CCDC178: variants seen among roughly 807,000 people sequenced by gnomAD.
CCDC178 encodes the protein coiled-coil domain-containing protein 178.
A neutral mutation model predicts 117.4 loss-of-function variants in CCDC178; 126 were observed. The ratio of observed to expected loss-of-function variants is 1.07; its 90% confidence interval spans 0.93 to 1.24. The LOEUF is 1.24. Ranked by LOEUF, CCDC178 falls within the 50% of genes most tolerant of loss-of-function variation. CCDC178 has a pLI of 0.00. For synonymous variants in CCDC178, 283 were observed against 313.4 expected, an observed-to-expected ratio of 0.90 and a Z score of 1.02; for missense variants, 1,030 against 986.9, an observed-to-expected ratio of 1.04 and a Z score of -0.59.
chr18:33,046,971 C>T (rs1056853686), intron 21 of CCDC178, among the ~76,000 whole-genome samples: 1 of 152,112 alleles, frequency 6.6e-6, no homozygotes. Context: ...TTTAACTCAG[C>T]TTTGACATTT....
At chr18:33,060,819 C>A (rs1158381300) in intron 21 of CCDC178, among the ~76,000 whole-genome samples, 1 of 152,032 alleles carries the variant, frequency 6.6e-6, no homozygotes, top group East Asian at 1.9e-4. Context: ...TTTACATGAA[C>A]TTGAACAATG....
At chr18:33,023,008 A>G (rs546991704) in intron 21 of CCDC178, among the ~76,000 whole-genome samples, 45 of 152,272 alleles carry the variant, frequency 3.0e-4, no homozygotes, top group African/African-American at 9.1e-4. Context: ...TATAATAATA[A>G]AAGAATTAAT....
At chr18:33,287,012 G>A (rs1436829110) in intron 12 of CCDC178, among the ~76,000 whole-genome samples, 1 of 152,092 alleles carries the variant, frequency 6.6e-6, no homozygotes, top group Non-Finnish European at 1.5e-5. Context: ...AATGCACTGA[G>A]CCAATTTCAA....
chr18:33,409,606 A>C (rs1241860452), intron 3 of CCDC178, among the ~76,000 whole-genome samples: 2 of 152,212 alleles, frequency 1.3e-5, no homozygotes, highest in Non-Finnish European at 2.9e-5. Flanking sequence ...CATAATTAAA[A>C]TCTTCAAAGA....
chr18:33,033,937 A>G (rs953065283), intron 21 of CCDC178, among the ~76,000 whole-genome samples: 2 of 152,002 alleles, frequency 1.3e-5, no homozygotes, highest in African/African-American at 4.8e-5. Context: ...GTGTGTGTAT[A>G]TATATATATG....
intron 20 of CCDC178, among the ~76,000 whole-genome samples, chr18:33,109,895 T>C (rs1441026496): frequency 1.3e-5 from 2 of 151,516 alleles, no homozygotes; most frequent in Admixed American, 6.6e-5. Flanking sequence ...GGAGCTATTA[T>C]GAATAAAGCT....
At chr18:33,315,412 G>C (rs117094528) in intron 11 of CCDC178, among the ~76,000 whole-genome samples, 4,411 of 152,252 alleles carry the variant, frequency 0.029, 81 homozygotes, top group Middle Eastern at 0.061. Flanking sequence ...CAAGGAATAT[G>C]AAAATGATAA....
At chr18:33,093,326 A>C (rs770205579) in intron 20 of CCDC178, among the ~76,000 whole-genome samples, 1 of 152,018 alleles carries the variant, frequency 6.6e-6, no homozygotes, top group Non-Finnish European at 1.5e-5. Context: ...AGTAGATGGT[A>C]CCTTGTAGCT....
chr18:32,953,818 A>G (rs932349728), intron 22 of CCDC178, among the ~76,000 whole-genome samples: 2 of 152,102 alleles, frequency 1.3e-5, no homozygotes, highest in African/African-American at 2.4e-5. Flanking sequence ...TGGCTTTGTT[A>G]TTATATATTT....
chr18:33,030,686 GAT>G (rs2056323914), intron 21 of CCDC178, among the ~76,000 whole-genome samples: 1 of 151,934 alleles, frequency 6.6e-6, no homozygotes, highest in African/African-American at 2.4e-5. Context: ...GATAGATGTA[GAT>G]ATAGATATGA....
chr18:33,425,795 G>A (rs1001181465), intron 2 of CCDC178, among the ~76,000 whole-genome samples: 22 of 152,116 alleles, frequency 1.4e-4, no homozygotes, highest in Non-Finnish European at 2.6e-4. Context: ...GAGAAGAGAG[G>A]AGCAAGTCTA....
chr18:33,116,912 A>T (rs2057864607), intron 20 of CCDC178, among the ~76,000 whole-genome samples: 1 of 149,430 alleles, frequency 6.7e-6, no homozygotes, highest in Non-Finnish European at 1.5e-5. Context: ...TGGGACAGCC[A>T]TGAAGAACAA....
intron 21 of CCDC178, among the ~76,000 whole-genome samples, chr18:33,030,959 G>T (rs1462212197): frequency 1.3e-5 from 2 of 152,090 alleles, no homozygotes; most frequent in Admixed American, 1.3e-4. Flanking sequence ...GGTCAATGGT[G>T]TAACTCTCAG....
chr18:33,153,152 AT>A (rs1480165085), intron 20 of CCDC178, among the ~76,000 whole-genome samples: 19 of 148,084 alleles, frequency 1.3e-4, no homozygotes, highest in African/African-American at 4.7e-4. Flanking sequence ...ATATATATAT[AT>A]ATAACATATA....
Position 33,344,172 on chromosome 18 carries a change from C to T in CCDC178, c.658+2039G>A, listed in dbSNP as rs996505543. Reference sequence around the variant, plus strand: ...ACAAAAAATTAGCCGGGCGCGGTGGCGGGCGCCTGTAGTCCCAGCTACTCG... The same window carrying T: ...ACAAAAAATTAGCCGGGCGCGGTGGTGGGCGCCTGTAGTCCCAGCTACTCG... On this transcript the variant is annotated intron_variant, in intron 9 of 22. Transcript: ENST00000383096. Among the ~76,000 whole-genome samples, 28 of 150,738 alleles carry T rather than the reference C, an allele frequency of 1.9e-4. No homozygotes were observed. The East Asian group carries it at 4.1e-3, about 22-fold the overall frequency.
At chr18:33,244,084 A>G (rs2059518786) in intron 15 of CCDC178, among the ~76,000 whole-genome samples, 1 of 151,992 alleles carries the variant, frequency 6.6e-6, no homozygotes, top group Admixed American at 6.6e-5. Flanking sequence ...AGGTCATTTG[A>G]ACAGCTGGAT....
At chr18:33,208,516 T>G (rs2059071898) in intron 20 of CCDC178, among the ~76,000 whole-genome samples, 1 of 152,072 alleles carries the variant, frequency 6.6e-6, no homozygotes, top group Admixed American at 6.6e-5. Context: ...ATCTTCCTGC[T>G]GATGTGTCTT....
intron 21 of CCDC178, among the ~76,000 whole-genome samples, chr18:33,082,389 C>A (rs2057312270): frequency 6.6e-6 from 1 of 152,084 alleles, no homozygotes; most frequent in African/African-American, 2.4e-5. Context: ...GGAGGATCAC[C>A]TGAGCCCAGG....
chr18:33,412,026 C>T lies in CCDC178; in HGVS notation c.58+5G>A, dbSNP rs769095578. The T allele has an allele frequency of 5.0e-6, 7 of 1,403,494 alleles. No homozygotes were observed. Among genetic ancestry groups the T allele is most frequent in the African/African-American group, 2.9e-5 (2 of 69,842 alleles). 86.9% of individuals were successfully genotyped at this position (1,403,494 alleles called of 1,614,324 possible). A position where few individuals can be genotyped will look rare whatever the true frequency, so the allele number is the denominator to read the frequency against. ...TCAAAGAAAATCAATTTATGATAAACTTACCTATATTGGTTTGATCATCTC... is the reference window on the plus strand; with the variant it reads ...TCAAAGAAAATCAATTTATGATAAATTTACCTATATTGGTTTGATCATCTC... On this transcript the variant is annotated splice_donor_5th_base_variant and intron_variant, in intron 3 of 22. Coordinates refer to ENST00000383096, the MANE Select transcript of CCDC178 (RefSeq NM_001105528.4).
Sources: gnomAD v4.1 joint callset for allele counts (sites outside exome capture counted in the v4.1 genomes callset) on GRCh38, gnomAD v4.1.1 for gene constraint, MANE v1.5 for transcripts, NCBI Gene and HGNC (gene_info 2026-07-23, HGNC 2026-07-21) for gene names.